Variants in MTHFD1L observed in about 807,000 individuals in gnomAD.
MTHFD1L encodes the protein methylenetetrahydrofolate dehydrogenase (NADP+ dependent) 1 like.
Under a neutral mutation model 119.5 loss-of-function variants are expected in MTHFD1L, and 81 were observed. The observed-to-expected ratio is 0.68, with a 90% confidence interval of 0.57 to 0.82. The LOEUF (loss-of-function observed/expected upper bound fraction) is 0.82. Ranked by LOEUF, MTHFD1L falls within the 40% of genes least tolerant of loss-of-function variation. MTHFD1L has a pLI of 0.00. For synonymous variants in MTHFD1L, 430 were observed against 475.2 expected, an observed-to-expected ratio of 0.90 and a Z score of 1.24; for missense variants, 1,125 against 1,253.4, an observed-to-expected ratio of 0.90 and a Z score of 1.55.
chr6:151,028,610 C>A (rs1283696848), intron 24 of MTHFD1L, among the ~76,000 whole-genome samples: 1 of 152,122 alleles, frequency 6.6e-6, no homozygotes, highest in Non-Finnish European at 1.5e-5. Flanking sequence ...CCGTCACATT[C>A]ATAGACAGGA....
intron 10 of MTHFD1L, among the ~76,000 whole-genome samples, chr6:150,922,856 C>G (rs1175408268): frequency 6.6e-6 from 1 of 151,148 alleles, no homozygotes; most frequent in Non-Finnish European, 1.5e-5. Flanking sequence ...TTTTGGCCAG[C>G]CGGTCTCAAA....
chr6:151,040,698 C>A (rs1393031125), intron 26 of MTHFD1L, among the ~76,000 whole-genome samples: 1 of 152,120 alleles, frequency 6.6e-6, no homozygotes, highest in Non-Finnish European at 1.5e-5. Context: ...AGAGTGAGAT[C>A]TCTGTCTCTA....
chr6:150,930,124 G>T (rs764577036), intron 11 of MTHFD1L, among the ~76,000 whole-genome samples: 2 of 152,014 alleles, frequency 1.3e-5, no homozygotes, highest in African/African-American at 2.4e-5. Context: ...CCTAAAGTGG[G>T]CCTGGCATGA....
intron 24 of MTHFD1L, among the ~76,000 whole-genome samples, chr6:151,018,082 A>C (rs1354111773): frequency 2.0e-5 from 3 of 151,862 alleles, no homozygotes; most frequent in African/African-American, 7.3e-5. Flanking sequence ...CTGTCTTTGC[A>C]CCCGTCTGAC....
At chr6:151,091,002 C>A (rs1227555878) in intron 26 of MTHFD1L, among the ~76,000 whole-genome samples, 1 of 119,990 alleles carries the variant, frequency 8.3e-6, no homozygotes, top group Middle Eastern at 5.1e-3. Context: ...TCGTTCCATG[C>A]GACTGGGTGC....
At chr6:151,017,830 C>CTTTTTTTTTTTTTTTT (rs895364993) in intron 24 of MTHFD1L, among the ~76,000 whole-genome samples, 1 of 99,012 alleles carries the variant, frequency 1.0e-5, no homozygotes, top group Non-Finnish European at 2.0e-5. Context: ...ACCGTGTTTT[C>CTTTTTTTTTTTTTTTT]TTTTTTTTTT....
chr6:150,877,519 C>A, intron 2 of MTHFD1L, 115 bp from the exon 3 acceptor site: 1 of 1,175,702 alleles, frequency 8.5e-7, no homozygotes. Flanking sequence ...TTTTCTGCAC[C>A]TTCCATATTA....
At chr6:151,046,970 T>C (rs1201037640) in intron 26 of MTHFD1L, among the ~76,000 whole-genome samples, 1 of 152,200 alleles carries the variant, frequency 6.6e-6, no homozygotes, top group African/African-American at 2.4e-5. Context: ...ACTGGAATTG[T>C]AATTGTGGAG....
At chr6:151,036,940 A>G in intron 25 of MTHFD1L, 25 bp from the exon 26 acceptor site, 2 of 1,585,476 alleles carry the variant, frequency 1.3e-6, no homozygotes. Flanking sequence ...GTATCAGTGA[A>G]CACATTTTCT....
At chr6:150,866,544 G>C (rs932929558) in intron 1 of MTHFD1L, 3 of 1,271,434 alleles carry the variant, frequency 2.4e-6, no homozygotes, top group African/African-American at 1.6e-5. Context: ...CCCGCGCGAA[G>C]CTCCCTGGTG....
intron 4 of MTHFD1L, among the ~76,000 whole-genome samples, chr6:150,880,031 T>C (rs983093845): frequency 3.9e-5 from 6 of 152,200 alleles, no homozygotes; most frequent in African/African-American, 1.4e-4. Context: ...TTTCGGTACT[T>C]GCATATGTTG....
chr6:151,029,374 T>G (rs1269197624), intron 24 of MTHFD1L, among the ~76,000 whole-genome samples: 1 of 151,766 alleles, frequency 6.6e-6, no homozygotes, highest in Non-Finnish European at 1.5e-5. Flanking sequence ...TGAGCCAAGA[T>G]CGCGCCACTA....
In MTHFD1L at chr6:150,884,996, A is replaced by T. The variant is rs184898071; in HGVS notation, c.543-638A>T. Among the ~76,000 whole-genome samples the T allele has an allele frequency of 4.6e-5, 7 of 152,200 alleles. No homozygotes were observed. The South Asian group carries it at 1.5e-3, about 32-fold the overall frequency. On this transcript the variant is annotated intron_variant, in intron 5 of 27. Transcript: ENST00000367321. ...TGTGTAACTCTAGGGATGCTAGTCC[A>T]TTGGGGTCCATTGAAAGGAGCTCCC...
At chr6:150,878,692 T>C (rs1780876511) in intron 4 of MTHFD1L, among the ~76,000 whole-genome samples, 2 of 152,220 alleles carry the variant, frequency 1.3e-5, no homozygotes, top group Admixed American at 1.3e-4. Flanking sequence ...CACTTTGTTC[T>C]GATTGATCAG....
rs1051853496 is a variant in MTHFD1L at position 150,912,821 on chromosome 6, G to T, written c.893-5756G>T. 5 of 350,426 alleles carry T rather than the reference G, an allele frequency of 1.4e-5. No individual in the cohort carries two copies. The East Asian group carries it at 4.0e-4, about 28-fold the overall frequency. The allele number at this position is 350,426 out of a possible 1,614,324, so 21.7% of individuals were successfully genotyped here. A position where few individuals can be genotyped will look rare whatever the true frequency, so the allele number is the denominator to read the frequency against. On this transcript the variant is annotated intron_variant, in intron 8 of 27. Coordinates refer to ENST00000367321, the MANE Select transcript of MTHFD1L (RefSeq NM_015440.5). The stretch of plus-strand genomic sequence containing the variant: ...GATCCTCGTTGGACTGTGATCCCAG[G>T]ATATTACCCAGGCCCAGATCGTAGA...
chr6:150,982,865 A>C (rs890603688), intron 20 of MTHFD1L, among the ~76,000 whole-genome samples: 1 of 151,990 alleles, frequency 6.6e-6, no homozygotes, highest in African/African-American at 2.4e-5. Context: ...ACACGTGGCT[A>C]AGTTTTGTAT....
intron 12 of MTHFD1L, among the ~76,000 whole-genome samples, chr6:150,937,731 A>G (rs1449433934): frequency 6.6e-6 from 1 of 151,722 alleles, no homozygotes; most frequent in African/African-American, 2.4e-5. Flanking sequence ...GCCAGTCACA[A>G]CCTCTCGGAG....
rs1779811958 is a variant in MTHFD1L at position 150,873,094 on chromosome 6, A to G, written c.228-2996A>G. Among the ~76,000 whole-genome samples the G allele has an allele frequency of 1.3e-5, 2 of 152,076 alleles. 1 individual carries two copies. The highest frequency in any genetic ancestry group is 4.1e-4 in the South Asian group (2 of 4,824). On this transcript the variant is annotated intron_variant, in intron 1 of 27. Transcript: ENST00000367321. ...CACTTTGGGAGGCCTAGGTGGGCGG[A>G]TCACGAGGTCAAGAGATCGAGACCA... is the stretch of plus-strand genomic sequence containing the variant.
intron 10 of MTHFD1L, among the ~76,000 whole-genome samples, chr6:150,925,730 A>G (rs1370644816): frequency 6.6e-6 from 1 of 152,030 alleles, no homozygotes; most frequent in East Asian, 1.9e-4. Flanking sequence ...GCCCGATCGG[A>G]GATTATTATG....
Sources: allele counts gnomAD v4.1 joint callset (sites outside exome capture counted in the v4.1 genomes callset), GRCh38; gene constraint gnomAD v4.1.1; transcripts MANE v1.5; gene names NCBI Gene and HGNC (gene_info 2026-07-23, HGNC 2026-07-21).